The following POLI variants were observed in gnomAD, a reference collection of about 807,000 sequenced individuals.
The protein encoded by POLI is RAD30 homolog B.
Under a neutral mutation model 51.6 loss-of-function variants are expected in POLI, and 58 were observed. That is an observed-to-expected ratio of 1.12 (90% CI 0.91 to 1.40). POLI has a LOEUF of 1.40. Among genes scored for constraint, POLI ranks in the 40% most tolerant of loss-of-function variants. The probability of loss-of-function intolerance (pLI) is 0.00; values close to 1 mark genes in which losing one functional copy is unlikely to be tolerated. For synonymous variants in POLI, 322 were observed against 299.7 expected (o/e 1.07, Z -0.77); for missense variants, 921 against 871.3 (o/e 1.06, Z -0.72).
chr18:54,315,277 AT>A (rs2088719190), intron 3 of POLI, among the ~76,000 whole-genome samples: 1 of 151,912 alleles, frequency 6.6e-6, no homozygotes, highest in Non-Finnish European at 1.5e-5. Flanking sequence ...GTTTTGAGAG[AT>A]TTTTTGGTAT....
chr18:54,277,686 A>G lies in POLI; in HGVS notation c.407-17A>G, dbSNP rs368104688. The G allele has an allele frequency of 6.5e-6, 10 of 1,529,280 alleles. No individual in the cohort carries two copies. The African/African-American group carries it at 8.2e-5, about 13-fold the overall frequency. 94.7% of individuals were successfully genotyped at this position (1,529,280 alleles called of 1,614,324 possible). A position where few individuals can be genotyped will look rare whatever the true frequency, so the allele number is the denominator to read the frequency against. On this transcript the variant is annotated splice_polypyrimidine_tract_variant and intron_variant, in intron 3 of 9. Transcript: ENST00000579534. ...TAACTTCATTTACATTTGTGCTCCA[A>G]TATTATTTCAATTTAGAATTACTGG...
chr18:54,279,248 T>C (rs1675001008), intron 4 of POLI, among the ~76,000 whole-genome samples: 1 of 146,234 alleles, frequency 6.8e-6, no homozygotes, highest in Non-Finnish European at 1.5e-5. Flanking sequence ...TTTCTTTTTT[T>C]TTTTTTTTTT....
chr18:54,311,503 T>C (rs543397195), intron 3 of POLI, among the ~76,000 whole-genome samples: 1 of 152,330 alleles, frequency 6.6e-6, no homozygotes, highest in African/African-American at 2.4e-5. Context: ...TCTAATAAAG[T>C]TTAGCCAATA....
rs775927576 is a variant in POLI, at chr18:54,271,420, ATCTGGATTGC to A, written c.178_187del (p.Leu60PhefsTer5). On this transcript the variant is annotated frameshift_variant, in exon 2 of 10. Transcript: ENST00000579534. LOFTEE classifies it high-confidence loss of function. ...TCATCCAGAGTCATAGTACATGTGG[ATCTGGATTGC>A]TTTTATGCACAAGTAGAAATGATCT... is the stretch of plus-strand genomic sequence containing the variant. The A allele has an allele frequency of 6.2e-7, 1 of 1,609,560 alleles. No homozygotes were observed. Among genetic ancestry groups the A allele is most frequent in the South Asian group, 1.1e-5 (1 of 90,944 alleles).
chr18:54,293,055 A>G (rs1866173929), intron 9 of POLI, among the ~76,000 whole-genome samples: 1 of 152,032 alleles, frequency 6.6e-6, no homozygotes. Flanking sequence ...ATATTTGACT[A>G]TGTTTATATT....
rs1047585857 is a variant in POLI at position 54,311,726 on chromosome 18, C to A, written c.334-8547C>A. 5.3e-5 allele frequency among the ~76,000 whole-genome samples: 8 copies of A among 152,112 alleles called. No homozygotes were observed. The East Asian group carries it at 1.5e-3, about 29-fold the overall frequency. On this transcript the variant is annotated intron_variant, in intron 3 of 4. Transcript: ENST00000579823. ...AATCTGTATATTTACTAAAGATGCA[C>A]CAAAGTTTAGGTTTAGCCTTAGTAT...
intron 3 of POLI, among the ~76,000 whole-genome samples, chr18:54,310,937 A>T (rs2088661475): frequency 6.6e-6 from 1 of 152,166 alleles, no homozygotes; most frequent in Admixed American, 6.6e-5. Flanking sequence ...TATTAAAAAA[A>T]AGTAGAGATG....
At chr18:54,270,251 C>G (rs1317875553) in intron 1 of POLI, 1 of 158,868 alleles carries the variant, frequency 6.3e-6, no homozygotes, top group East Asian at 1.9e-4. Context: ...GCCTCGAACC[C>G]CTGGGCTCAA....
At chr18:54,315,276 GA>G (rs1229789243) in intron 3 of POLI, among the ~76,000 whole-genome samples, 2 of 152,088 alleles carry the variant, frequency 1.3e-5, no homozygotes, top group Non-Finnish European at 2.9e-5. Flanking sequence ...GGTTTTGAGA[GA>G]TTTTTTGGTA....
chr18:54,312,530 C>G (rs930922271), intron 3 of POLI, among the ~76,000 whole-genome samples: 3 of 152,154 alleles, frequency 2.0e-5, no homozygotes, highest in African/African-American at 7.2e-5. Context: ...GAGGAATCTC[C>G]AAACTGCTTT....
At chr18:54,283,135 A>G in intron 6 of POLI, 120 bp downstream of exon 6, 1 of 552,570 alleles carries the variant, frequency 1.8e-6, no homozygotes, top group East Asian at 2.8e-5. Context: ...TCCCTTTCCT[A>G]TTAGAAGGCT....
At chr18:54,277,542 A>G (rs570558653) in intron 3 of POLI, among the ~76,000 whole-genome samples, 161 bp from the exon 4 acceptor site, 1 of 152,342 alleles carries the variant, frequency 6.6e-6, no homozygotes, top group Non-Finnish European at 1.5e-5. Context: ...GGTACAGAAA[A>G]AACGTCAATT....
At chr18:54,317,970 C>T in intron 3 of POLI, among the ~76,000 whole-genome samples, 1 of 152,124 alleles carries the variant, frequency 6.6e-6, no homozygotes, top group Admixed American at 6.6e-5. Flanking sequence ...AATCATATAA[C>T]TTAAAACCTA....
In POLI at chr18:54,294,014, T is replaced by C; in HGVS notation, c.1770T>C (p.Ser590=). ...IPINPRDHLS[S]SKQVSSVSPC... ...TAAATCCTAGAGATCATTTATCCAG[T>C]AGCAAACAGGTATCCTCTGTATCTC... Residue 590 remains serine (S), a synonymous_variant, in exon 10 of 10, where the codon AGT becomes AGC. Coordinates refer to ENST00000579534, the MANE Select transcript of POLI (RefSeq NM_007195.3). 2 of 1,613,556 alleles carry C rather than the reference T, an allele frequency of 1.2e-6. No individual in the cohort carries two copies. The highest frequency in any genetic ancestry group is 8.5e-7 in the Non-Finnish European group (1 of 1,179,634).
chr18:54,294,661 A>C lies in POLI; in HGVS notation c.*194A>C. 8.1e-7 allele frequency: 1 copy of C among 1,241,644 alleles called. No homozygotes were observed. Among genetic ancestry groups the C allele is most frequent in the Non-Finnish European group, 1.0e-6 (1 of 990,036 alleles). The allele number at this position is 1,241,644 out of a possible 1,614,324, so 76.9% of individuals were successfully genotyped here. ...AATATAACAGAAGAAATAATGTAAAATACTATCTTTTATGTCTAAAGCCAT... is the reference window on the plus strand; with the variant it reads ...AATATAACAGAAGAAATAATGTAAACTACTATCTTTTATGTCTAAAGCCAT... On this transcript the variant is annotated 3_prime_UTR_variant, in exon 10 of 10. Transcript: ENST00000579534.
chr18:54,269,646 G>A lies in POLI; in HGVS notation c.100G>A (p.Ala34Thr), dbSNP rs1377353888. Residue 34 changes from alanine (A) to threonine (T), a missense_variant, in exon 1 of 10, where the codon GCA (alanine) becomes ACA (threonine). Coordinates refer to ENST00000579534, the MANE Select transcript of POLI (RefSeq NM_007195.3). ...WAMELADVGA[A>T]ASSQGVHDQV... is the part of the protein sequence containing the mutation. ...CATGGAACTGGCGGACGTGGGGGCG[G>A]CAGCCAGCTCGCAGGGTGCGCCGCA... is the stretch of plus-strand genomic sequence containing the variant. 1.3e-6 allele frequency: 2 copies of A among 1,507,848 alleles called. No individual in the cohort carries two copies. The highest frequency in any genetic ancestry group is 8.8e-7 in the Non-Finnish European group (1 of 1,131,288). The allele number at this position is 1,507,848 out of a possible 1,614,324, so 93.4% of individuals were successfully genotyped here.
chr18:54,312,123 C>T (rs1170186908), intron 3 of POLI, among the ~76,000 whole-genome samples: 4 of 151,904 alleles, frequency 2.6e-5, no homozygotes, highest in African/African-American at 7.3e-5. Context: ...CCTTATATTC[C>T]CCCCCAGCGT....
chr18:54,309,627 A>G (rs1244347615), intron 3 of POLI, among the ~76,000 whole-genome samples: 1 of 152,156 alleles, frequency 6.6e-6, no homozygotes, highest in East Asian at 1.9e-4. Flanking sequence ...TCAGACAGGG[A>G]TGTTTAAGTC....
intron 5 of POLI, among the ~76,000 whole-genome samples, chr18:54,281,733 C>T (rs1041314968): frequency 1.0e-4 from 15 of 146,756 alleles, no homozygotes; most frequent in African/African-American, 1.7e-4. Flanking sequence ...GCTTTACTTT[C>T]GAGTTCTTGT....
Sources: gnomAD v4.1 joint callset for allele counts (sites outside exome capture counted in the v4.1 genomes callset) on GRCh38, gnomAD v4.1.1 for gene constraint, MANE v1.5 for transcripts, NCBI Gene and HGNC (gene_info 2026-07-23, HGNC 2026-07-21) for gene names.